Variants in AP1M2 observed in about 807,000 individuals in gnomAD.
AP1M2 encodes AP-1 complex subunit mu-2.
Under a neutral mutation model 54.6 loss-of-function variants are expected in AP1M2, and 41 were observed. The ratio of observed to expected loss-of-function variants is 0.75; its 90% CI spans 0.59 to 0.97. The LOEUF (loss-of-function observed/expected upper bound fraction) is 0.97, where lower values mean the gene tolerates loss of function less well. Ranked by LOEUF, AP1M2 falls within the 50% of genes least tolerant of loss-of-function variation. The pLI is 0.00. For missense variants in AP1M2, 507 were observed against 561.2 expected (o/e 0.90, Z 0.98); for synonymous variants, 219 against 215.9 (o/e 1.01, Z -0.13).
intron 3 of AP1M2, among the ~76,000 whole-genome samples, chr19:10,582,332 G>A (rs1821279): frequency 1.3e-5 from 2 of 151,708 alleles, no homozygotes; most frequent in Non-Finnish European, 2.9e-5. Context: ...TGAGCCACCG[G>A]TGCCCGGCCA....
intron 4 of AP1M2, 48 bp downstream of exon 4, chr19:10,581,700 C>T (rs1917468790): frequency 6.2e-7 from 1 of 1,611,810 alleles, no homozygotes. Flanking sequence ...TCCTCCAGTT[C>T]CTTACACCCA....
chr19:10,581,906 C>T lies in AP1M2; in HGVS notation c.268-28G>A, dbSNP rs1487903803. The T allele has an allele frequency of 1.9e-6, 3 of 1,556,800 alleles. No homozygotes were observed. In the East Asian group the frequency reaches 7.0e-5, roughly 36 times the overall value. On this transcript the variant is annotated intron_variant, in intron 3 of 11. Transcript: ENST00000250244. ...GGGGGTTGGAGGAGAGAGAGACCCA[C>T]AAAAGTGTGGCTATGGGTTGGGCAT...
At chr19:10,586,626 C>A (rs902727016) in intron 1 of AP1M2, among the ~76,000 whole-genome samples, 4 of 151,986 alleles carry the variant, frequency 2.6e-5, no homozygotes, top group Non-Finnish European at 4.4e-5. Context: ...CACAGCTACT[C>A]CGGAGACTGA....
chr19:10,580,044 GTTTTTTTT>G (rs59349358), intron 6 of AP1M2, among the ~76,000 whole-genome samples, 186 bp from the exon 7 acceptor site: 6 of 71,192 alleles, frequency 8.4e-5, no homozygotes, highest in African/African-American at 3.0e-4. Context: ...ATCTGGCTTG[GTTTTTTTT>G]TTTTTTTTTT....
intron 8 of AP1M2, among the ~76,000 whole-genome samples, chr19:10,578,580 T>G (rs74180163): frequency 0.19 from 28,510 of 151,784 alleles, 3,148 homozygotes; most frequent in Non-Finnish European, 0.25. Context: ...TTTTTCTTTT[T>G]GGAGATGGGG....
At chr19:10,582,378 T>C (rs1917495541) in intron 3 of AP1M2, among the ~76,000 whole-genome samples, 1 of 151,966 alleles carries the variant, frequency 6.6e-6, no homozygotes, top group Non-Finnish European at 1.5e-5. Context: ...ACAAAAATTT[T>C]AATAGGAGTT....
rs71162097 is a variant in AP1M2, at chr19:10,575,769, C to CT, written c.1048-741dup. Among the ~76,000 whole-genome samples the CT allele has an allele frequency of 5.4e-3, 502 of 93,566 alleles. 11 individuals are homozygous for CT. Among genetic ancestry groups the CT allele is most frequent in the African/African-American group, 0.017 (381 of 22,928 alleles). 61.4% of individuals were successfully genotyped at this position (93,566 alleles called of 152,430 possible). A position where few individuals can be genotyped will look rare whatever the true frequency, so the allele number is the denominator to read the frequency against. ...TTTTTCTTTTTTTTTCTTTTTTTTT[C>CT]TTTTTTTTTTTTTTTGAGATGGAGT... On this transcript the variant is annotated intron_variant, in intron 9 of 11. Coordinates refer to ENST00000250244, the MANE Select transcript of AP1M2 (RefSeq NM_005498.5).
In AP1M2 at chr19:10,574,908, A is replaced by G; in HGVS notation, c.1169T>C (p.Ile390Thr). ...CTCCCTGCCTGCTTCTCTCACCTGGATCCCAGAGACGGTGAAGTAGGGGAT... is the reference window on the plus strand; with the variant it reads ...CTCCCTGCCTGCTTCTCTCACCTGGGTCCCAGAGACGGTGAAGTAGGGGAT... ...FEIPYFTVSG[I>T]QVRYMKIIEK... The change falls in exon 10 of 12, where the codon ATC (isoleucine) becomes ACC (threonine). Residue 390 changes from isoleucine (I) to threonine (T), a missense_variant. Physicochemically the swap from Ile to Thr is moderately conservative, Grantham distance 89. Transcript: ENST00000250244. The G allele has an allele frequency of 6.2e-7, 1 of 1,603,792 alleles. No individual in the cohort carries two copies. The highest frequency in any genetic ancestry group is 8.5e-7 in the Non-Finnish European group (1 of 1,174,724).
intron 6 of AP1M2, 103 bp downstream of exon 6, chr19:10,581,163 G>C (rs1917432858): frequency 1.4e-6 from 2 of 1,465,250 alleles, no homozygotes; most frequent in African/African-American, 2.8e-5. Context: ...TGGTGAGCGA[G>C]CGCTTATTTC....
At chr19:10,583,883 C>T in intron 2 of AP1M2, 31 bp downstream of exon 2, 2 of 1,573,394 alleles carry the variant, frequency 1.3e-6, no homozygotes, top group South Asian at 2.3e-5. Context: ...CCCCCACACC[C>T]ACCTCCAGGG....
At chr19:10,583,444 G>A in intron 3 of AP1M2, 162 bp downstream of exon 3, 2 of 539,108 alleles carry the variant, frequency 3.7e-6, no homozygotes, top group East Asian at 2.9e-5. Context: ...AGACCAGCCT[G>A]GGCAATATAG....
At chr19:10,578,059 C>T (rs1442572776) in intron 8 of AP1M2, among the ~76,000 whole-genome samples, 1 of 152,066 alleles carries the variant, frequency 6.6e-6, no homozygotes, top group East Asian at 1.9e-4. Context: ...TTGAATCAGG[C>T]AAAGGTGTAT....
intron 9 of AP1M2, among the ~76,000 whole-genome samples, 148 bp downstream of exon 9, chr19:10,577,024 TTCAAGCGATCTGCCCGTGTCAGCCTC>T (rs1917256755): frequency 6.6e-6 from 1 of 151,858 alleles, no homozygotes; most frequent in Admixed American, 6.6e-5. Flanking sequence ...AGCTCCTGGG[TTCAAGCGATCTGCCCGTGTCAGCCTC>T]TCAAAGTACT....
intron 1 of AP1M2, among the ~76,000 whole-genome samples, chr19:10,584,365 G>T (rs1917564496): frequency 6.6e-6 from 1 of 152,152 alleles, no homozygotes; most frequent in South Asian, 2.1e-4. Flanking sequence ...TGGATCATGA[G>T]GTCAAGAGAT....
chr19:10,574,115 C>T lies in AP1M2; in HGVS notation c.1249+302G>A, dbSNP rs529901195. Reference sequence around the variant, plus strand: ...TCAGCTCACTGCAACCTCCACCTCCCGGGTTCAAGCAATTCTGCCTCAGCT... The same window carrying T: ...TCAGCTCACTGCAACCTCCACCTCCTGGGTTCAAGCAATTCTGCCTCAGCT... On this transcript the variant is annotated intron_variant, in intron 11 of 11. Coordinates refer to ENST00000250244, the MANE Select transcript of AP1M2 (RefSeq NM_005498.5). Among the ~76,000 whole-genome samples the T allele has an allele frequency of 1.1e-4, 17 of 152,220 alleles. 1 individual carries two copies. The highest frequency in any genetic ancestry group is 2.6e-4 in the African/African-American group (11 of 41,532).
At chr19:10,573,208 C>A in intron 11 of AP1M2, 120 bp from the exon 12 acceptor site, 1 of 917,630 alleles carries the variant, frequency 1.1e-6, no homozygotes, top group South Asian at 1.4e-5. Context: ...CACTTGAGGT[C>A]AGGGGTTCGA....
In AP1M2 at chr19:10,581,699, T is replaced by A. The variant is rs559559157; in HGVS notation, c.398+49A>T. ...GACACCTCCGTGGACCTCCTCCAGT[T>A]CCTTACACCCACAGTCCAGCCCATG... On this transcript the variant is annotated intron_variant, in intron 4 of 11. Transcript: ENST00000250244. The A allele has an allele frequency of 3.3e-5, 53 of 1,611,770 alleles. 1 individual carries two copies. In the South Asian group the frequency reaches 5.7e-4, roughly 17 times the overall value.
At chr19:10,585,283 A>AAGG (rs1568434698) in intron 1 of AP1M2, among the ~76,000 whole-genome samples, 5,180 of 104,568 alleles carry the variant, frequency 0.05, 435 homozygotes, top group East Asian at 0.1. Context: ...AAAGAAGAAA[A>AAGG]AAAGAAAGAA....
intron 6 of AP1M2, 136 bp from the exon 7 acceptor site, chr19:10,579,994 G>T: frequency 4.1e-6 from 3 of 734,778 alleles, no homozygotes; most frequent in African/African-American, 1.9e-5. Context: ...GCAAAAACTG[G>T]CACAGTAGAG....
Sources: allele counts gnomAD v4.1 joint callset (sites outside exome capture counted in the v4.1 genomes callset), GRCh38; gene constraint gnomAD v4.1.1; transcripts MANE v1.5; gene names NCBI Gene and HGNC (gene_info 2026-07-23, HGNC 2026-07-21).